The following PDE7A variants were observed in gnomAD, a reference collection of about 807,000 sequenced individuals.
The protein encoded by PDE7A is phosphodiesterase 7A, also known as high affinity 3',5'-cyclic-AMP phosphodiesterase 7A.
A neutral mutation model predicts 64.3 loss-of-function variants in PDE7A; 39 were observed. That is an observed-to-expected ratio of 0.61 (90% CI 0.47 to 0.79). The LOEUF is 0.79. Ranked by LOEUF, PDE7A falls within the 30% of genes least tolerant of loss-of-function variation. The pLI, the probability that PDE7A is intolerant of heterozygous loss-of-function variation, is 0.00. For synonymous variants in PDE7A, 203 were observed against 206.8 expected (o/e 0.98, Z 0.16); for missense variants, 470 against 582.8 (o/e 0.81, Z 1.99).
At chr8:65,741,546 T>C (rs1342554529) in intron 5 of PDE7A, among the ~76,000 whole-genome samples, 2 of 152,238 alleles carry the variant, frequency 1.3e-5, no homozygotes, top group South Asian at 2.1e-4. Context: ...TTTTAAAAAC[T>C]ACCTGACGTA....
intron 1 of PDE7A, among the ~76,000 whole-genome samples, chr8:65,792,969 T>C (rs1488752762): frequency 1.3e-5 from 2 of 152,104 alleles, no homozygotes; most frequent in Non-Finnish European, 2.9e-5. Context: ...TTGATGAAAA[T>C]GTCATGTGAT....
intron 1 of PDE7A, among the ~76,000 whole-genome samples, chr8:65,818,837 C>T (rs1810474529): frequency 1.3e-5 from 2 of 152,128 alleles, no homozygotes; most frequent in South Asian, 4.1e-4. Context: ...TCCCTTGTAC[C>T]TCTGGAAATT....
rs148962243 is a variant in PDE7A at position 65,840,211 on chromosome 8, T to G, written c.138+1160A>C. On this transcript the variant is annotated intron_variant, in intron 1 of 12. Coordinates refer to ENST00000401827, the MANE Select transcript of PDE7A (RefSeq NM_001242318.3). Reference sequence around the variant, plus strand: ...TATAGTAATTTTCACAAGTCTGCTCTGACCTCATTAGCATACTACCTTGTG... The same window carrying G: ...TATAGTAATTTTCACAAGTCTGCTCGGACCTCATTAGCATACTACCTTGTG... Among the ~76,000 whole-genome samples the G allele has an allele frequency of 4.6e-5, 7 of 152,352 alleles. No homozygotes were observed. In the East Asian group the frequency reaches 1.3e-3, roughly 29 times the overall value.
intron 3 of PDE7A, among the ~76,000 whole-genome samples, chr8:65,776,905 T>C (rs1809275151): frequency 6.6e-6 from 1 of 152,200 alleles, no homozygotes; most frequent in South Asian, 2.1e-4. Flanking sequence ...ATAGGAAAGA[T>C]GATGAAAGAT....
chr8:65,789,097 C>G, intron 1 of PDE7A: 1 of 1,369,538 alleles, frequency 7.3e-7, no homozygotes. Context: ...CAGTGATCAC[C>G]TGACTCCTCT....
At chr8:65,782,173 A>G (rs1449647995) in intron 2 of PDE7A, among the ~76,000 whole-genome samples, 1 of 152,242 alleles carries the variant, frequency 6.6e-6, no homozygotes, top group Non-Finnish European at 1.5e-5. Flanking sequence ...TGCCTGTTGG[A>G]ATCTTAATAT....
At chr8:65,779,858 G>T (rs1241673758) in intron 2 of PDE7A, 55 bp from the exon 3 acceptor site, 14 of 1,081,470 alleles carry the variant, frequency 1.3e-5, no homozygotes, top group Non-Finnish European at 1.9e-5. Flanking sequence ...TCGGGAAGAA[G>T]CTTCCATATG....
intron 5 of PDE7A, among the ~76,000 whole-genome samples, chr8:65,744,814 A>G (rs538594119): frequency 2.0e-4 from 30 of 152,356 alleles, no homozygotes; most frequent in African/African-American, 6.7e-4. Context: ...TGATGATGAT[A>G]CTAATGATGA....
chr8:65,715,736 A>G lies in PDE7A; in HGVS notation c.*3554T>C, dbSNP rs1293876695. Among the ~76,000 whole-genome samples, 1 of 147,624 alleles carries G rather than the reference A, an allele frequency of 6.8e-6. No homozygotes were observed. Among genetic ancestry groups the G allele is most frequent in the African/African-American group, 2.5e-5 (1 of 40,520 alleles). ...CACGGTGGCTCACGCCTGTAATCCC[A>G]GCACTATGGGAGGCCGAGGCGGGCG... On this transcript the variant is annotated 3_prime_UTR_variant, in exon 13 of 13. Transcript: ENST00000401827.
intron 1 of PDE7A, among the ~76,000 whole-genome samples, chr8:65,840,092 G>C (rs1238003175): frequency 6.6e-6 from 1 of 152,032 alleles, no homozygotes; most frequent in Non-Finnish European, 1.5e-5. Context: ...ATTAATTCTG[G>C]AATCTGAACA....
intron 1 of PDE7A, among the ~76,000 whole-genome samples, chr8:65,799,848 G>A (rs1325430090): frequency 6.6e-6 from 1 of 152,218 alleles, no homozygotes; most frequent in Non-Finnish European, 1.5e-5. Context: ...AAAGGACTGG[G>A]AGGGCCAAAG....
At chr8:65,755,579 T>C (rs1808191390) in intron 3 of PDE7A, among the ~76,000 whole-genome samples, 1 of 152,346 alleles carries the variant, frequency 6.6e-6, no homozygotes, top group South Asian at 2.1e-4. Flanking sequence ...TCTTTATATG[T>C]GTGTGCCCAT....
At chr8:65,830,177 C>T (rs1162359165) in intron 1 of PDE7A, among the ~76,000 whole-genome samples, 1 of 152,018 alleles carries the variant, frequency 6.6e-6, no homozygotes, top group Non-Finnish European at 1.5e-5. Flanking sequence ...GACAAAAGGA[C>T]ACTTCAATAT....
rs149238076 is a variant in PDE7A at position 65,822,941 on chromosome 8, T to TTATCTATC, written c.138+18422_138+18429dup. The stretch of plus-strand genomic sequence containing the variant: ...GCACTTATTATCTTATCTATTAACT[T>TTATCTATC]TATCTATCTATCTATCTATCTATAT... On this transcript the variant is annotated intron_variant, in intron 1 of 12. Coordinates refer to ENST00000401827, the MANE Select transcript of PDE7A (RefSeq NM_001242318.3). Among the ~76,000 whole-genome samples, 333 of 148,928 alleles carry TTATCTATC rather than the reference T, an allele frequency of 2.2e-3. 1 individual carries two copies. The highest frequency in any genetic ancestry group is 5.0e-3 in the South Asian group (24 of 4,818).
chr8:65,823,241 C>T (rs1810585370), intron 1 of PDE7A, among the ~76,000 whole-genome samples: 1 of 152,088 alleles, frequency 6.6e-6, no homozygotes, highest in South Asian at 2.1e-4. Flanking sequence ...TCCTTAAAGT[C>T]ACTTCCACAA....
At chr8:65,767,223 A>G (rs1335432326) in intron 3 of PDE7A, among the ~76,000 whole-genome samples, 1 of 152,208 alleles carries the variant, frequency 6.6e-6, no homozygotes, top group Non-Finnish European at 1.5e-5. Context: ...TGAAGCATGA[A>G]CCTCAGATTT....
Position 65,732,381 on chromosome 8 carries a change from G to A in PDE7A, c.696+2413C>T, listed in dbSNP as rs376182871. ...CCCACTAGGATGTACACTTCATGAA[G>A]ACAGGGATCATTCCTGCCCTGCTCA... On this transcript the variant is annotated intron_variant, in intron 7 of 12. Coordinates refer to ENST00000401827, the MANE Select transcript of PDE7A (RefSeq NM_001242318.3). 2.0e-4 allele frequency among the ~76,000 whole-genome samples: 31 copies of A among 152,252 alleles called. 1 individual carries two copies. In the East Asian group the frequency reaches 2.9e-3, roughly 14 times the overall value.
chr8:65,723,532 T>C lies in PDE7A; in HGVS notation c.1243+9A>G, dbSNP rs183802335. On this transcript the variant is annotated intron_variant, in intron 12 of 12. Coordinates refer to ENST00000401827, the MANE Select transcript of PDE7A (RefSeq NM_001242318.3). ...TTCTAACCAGCTATATCTAAATATGTATAGTTACCAATCTGGATGTTGGCA... is the reference window on the plus strand; with the variant it reads ...TTCTAACCAGCTATATCTAAATATGCATAGTTACCAATCTGGATGTTGGCA... 2.2e-5 allele frequency: 34 copies of C among 1,548,864 alleles called. No individual in the cohort carries two copies. The African/African-American group carries it at 4.3e-4, about 19-fold the overall frequency.
intron 5 of PDE7A, among the ~76,000 whole-genome samples, chr8:65,744,347 TA>T (rs1242076765): frequency 6.6e-6 from 1 of 152,136 alleles, no homozygotes; most frequent in Non-Finnish European, 1.5e-5. Flanking sequence ...AAAAATATAC[TA>T]AAAGGTAGAA....
Sources: allele counts gnomAD v4.1 joint callset (sites outside exome capture counted in the v4.1 genomes callset), GRCh38; gene constraint gnomAD v4.1.1; transcripts MANE v1.5; gene names NCBI Gene and HGNC (gene_info 2026-07-23, HGNC 2026-07-21).